STARD9: variants seen among roughly 807,000 people sequenced by gnomAD.
The protein encoded by STARD9 is StAR related lipid transfer domain containing 9.
In STARD9, 346 loss-of-function variants were observed where a neutral mutation model predicts 399.8. The observed-to-expected ratio is 0.87, with a 90% confidence interval of 0.79 to 0.95. The LOEUF is 0.95. Ranked by LOEUF, STARD9 falls within the 40% of genes least tolerant of loss-of-function variation. STARD9 has a pLI of 0.00. For synonymous variants in STARD9, 2,203 were observed against 2,143.5 expected, an observed-to-expected ratio of 1.03 and a Z score of -0.77; for missense variants, 5,832 against 5,667.5, an observed-to-expected ratio of 1.03 and a Z score of -0.93.
At chr15:42,591,750 G>A (rs1008567814) in intron 3 of STARD9, among the ~76,000 whole-genome samples, 4 of 152,186 alleles carry the variant, frequency 2.6e-5, no homozygotes, top group Admixed American at 1.3e-4. Context: ...AAATGCCTGA[G>A]TAAATAGATC....
At chr15:42,616,595 G>A (rs1400556078) in intron 3 of STARD9, among the ~76,000 whole-genome samples, 2 of 152,074 alleles carry the variant, frequency 1.3e-5, no homozygotes, top group African/African-American at 2.4e-5. Flanking sequence ...TTTTCTCATA[G>A]GAAAGTTAGA....
chr15:42,717,933 T>A (rs1254088008), intron 29 of STARD9, 44 bp from the exon 30 acceptor site: 1 of 1,526,878 alleles, frequency 6.5e-7, no homozygotes, highest in East Asian at 2.4e-5. Flanking sequence ...TTAGAGCCCA[T>A]TTTTGACCCC....
intron 20 of STARD9, among the ~76,000 whole-genome samples, chr15:42,676,686 A>G (rs1337827139): frequency 1.3e-5 from 2 of 152,194 alleles, no homozygotes; most frequent in Admixed American, 1.3e-4. Context: ...CAGATTTGGT[A>G]CTGGGAGTCC....
At chr15:42,707,848 T>G (rs1301347605) in intron 26 of STARD9, among the ~76,000 whole-genome samples, 1 of 152,052 alleles carries the variant, frequency 6.6e-6, no homozygotes, top group East Asian at 1.9e-4. Flanking sequence ...CAGAATGATT[T>G]GGATGGGAGT....
chr15:42,588,444 C>T (rs115474344), intron 3 of STARD9, among the ~76,000 whole-genome samples: 161 of 152,228 alleles, frequency 1.1e-3, no homozygotes, highest in African/African-American at 3.8e-3. Context: ...GAGAGATAAA[C>T]CAGTGTCTCC....
intron 3 of STARD9, among the ~76,000 whole-genome samples, chr15:42,626,318 T>TTCTCC (rs1555393239): frequency 6.9e-6 from 1 of 145,482 alleles, no homozygotes; most frequent in African/African-American, 2.6e-5. Context: ...CCTCTTCCTC[T>TTCTCC]TCTTCCTCCT....
chr15:42,716,520 G>A (rs908588569), intron 26 of STARD9, among the ~76,000 whole-genome samples, 157 bp from the exon 27 acceptor site: 1 of 152,216 alleles, frequency 6.6e-6, no homozygotes, highest in Non-Finnish European at 1.5e-5. Flanking sequence ...TATTGCTGTG[G>A]TCTTCTTTGG....
Position 42,695,924 on chromosome 15 carries a change from C to CA in STARD9, c.13284+46dup, listed in dbSNP as rs201727147. On this transcript the variant is annotated intron_variant, in intron 26 of 32. Transcript: ENST00000290607. ...GGAATGAGCCAGGGGCCTGGACTGC[C>CA]AAGGCAAGAGTTTGAGCAGGACGCT... 1.9e-4 allele frequency: 292 copies of CA among 1,517,816 alleles called. 1 individual carries two copies. In the East Asian group the frequency reaches 6.3e-3, roughly 33 times the overall value. 94.0% of individuals were successfully genotyped at this position (1,517,816 alleles called of 1,614,324 possible).
chr15:42,657,826 T>C (rs1406611912), intron 9 of STARD9, among the ~76,000 whole-genome samples: 1 of 152,220 alleles, frequency 6.6e-6, no homozygotes, highest in East Asian at 1.9e-4. Flanking sequence ...CTCACACATA[T>C]ATAGGCAACT....
rs1481272160 is a variant in STARD9 at position 42,688,692 on chromosome 15, A to G, written c.7114A>G (p.Ser2372Gly). The G allele has an allele frequency of 6.5e-7, 1 of 1,537,634 alleles. No homozygotes were observed. Among genetic ancestry groups the G allele is most frequent in the African/African-American group, 1.4e-5 (1 of 73,054 alleles). Residue 2372 changes from serine (S) to glycine (G), a missense_variant, in exon 23 of 33, where the codon AGT becomes GGT. Coordinates refer to ENST00000290607, the MANE Select transcript of STARD9 (RefSeq NM_020759.3). ...TCTCACAATGTTGAAAATTCATAAC[A>G]GTCCCTTGGTAACTGGAGTAGAGCA... ...LDLTMLKIHNSPLVTGVEHQD... is the reference protein window; with the variant it reads ...LDLTMLKIHNGPLVTGVEHQD...
chr15:42,665,142 G>C (rs2140113666), intron 13 of STARD9, 111 bp from the exon 14 acceptor site: 1 of 782,696 alleles, frequency 1.3e-6, no homozygotes, highest in Non-Finnish European at 2.1e-6. Context: ...GACTGCTGTA[G>C]AGACTACTCC....
chr15:42,686,350 C>T lies in STARD9; in HGVS notation c.4772C>T (p.Ser1591Leu), dbSNP rs758938929. The T allele has an allele frequency of 4.1e-5, 63 of 1,537,328 alleles. No individual in the cohort carries two copies. Among genetic ancestry groups the T allele is most frequent in the South Asian group, 2.1e-4 (18 of 84,058 alleles). ...GAGGCGAGTTATGACGAAACTTATT[C>T]GGCAGACTTAGAATCATTGTCTGCT... is the stretch of plus-strand genomic sequence containing the variant. ...EKEASYDETY[S>L]ADLESLSASR... The change falls in exon 23 of 33, where the codon TCG becomes TTG. Residue 1591 changes from serine (S) to leucine (L), a missense_variant. This residue lies in a region of STARD9 where 5,828 missense variants were observed against 5,651.1 expected (regional missense o/e 1.03). Coordinates refer to ENST00000290607, the MANE Select transcript of STARD9 (RefSeq NM_020759.3).
chr15:42,712,416 CTA>C (rs2061260406), intron 26 of STARD9, among the ~76,000 whole-genome samples: 1 of 151,578 alleles, frequency 6.6e-6, no homozygotes, highest in African/African-American at 2.4e-5. Context: ...AAGATTATGC[CTA>C]TGTTTTCTTC....
chr15:42,661,350 T>C (rs2059989846), intron 10 of STARD9, 125 bp downstream of exon 10: 2 of 710,476 alleles, frequency 2.8e-6, no homozygotes, highest in Non-Finnish European at 4.7e-6. Flanking sequence ...ATAAGCTCTT[T>C]GAATGCTAGG....
chr15:42,640,218 G>A (rs1227804819), intron 7 of STARD9, among the ~76,000 whole-genome samples: 1 of 152,156 alleles, frequency 6.6e-6, no homozygotes, highest in African/African-American at 2.4e-5. Flanking sequence ...GTGCTTGGCT[G>A]TAGTATGCTA....
In STARD9 at chr15:42,686,409, G is replaced by A; in HGVS notation, c.4831G>A (p.Glu1611Lys). The part of the protein sequence containing the change: ...RSTNAQVFAT[E>K]NAIPDSMTEA... ...TACAAATGCACAGGTCTTTGCAACA[G>A]AGAACGCGATACCAGATTCCATGAC... Residue 1611 changes from glutamate to lysine, a missense_variant, in exon 23 of 33, where the codon GAG becomes AAG. This residue lies in a region of STARD9 where 5,828 missense variants were observed against 5,651.1 expected (regional missense o/e 1.03). Transcript: ENST00000290607. The A allele has an allele frequency of 6.5e-7, 1 of 1,537,720 alleles. No individual in the cohort carries two copies. Among genetic ancestry groups the A allele is most frequent in the East Asian group, 2.4e-5 (1 of 40,924 alleles).
chr15:42,614,972 A>G (rs1439267657), intron 3 of STARD9, among the ~76,000 whole-genome samples: 1 of 151,788 alleles, frequency 6.6e-6, no homozygotes, highest in Non-Finnish European at 1.5e-5. Flanking sequence ...CTCAAAAAAC[A>G]AAAACAGAAA....
intron 7 of STARD9, among the ~76,000 whole-genome samples, chr15:42,650,399 C>T (rs2059736390): frequency 6.6e-6 from 1 of 152,202 alleles, no homozygotes. Flanking sequence ...TGAAGATTTA[C>T]TTTCATGCCC....
rs753323532 is a variant in STARD9, at chr15:42,681,508, A to G, written c.1961A>G (p.Gln654Arg). ...CACAGGGCCCAGATTCAGCAGCAGC[A>G]GAGCTACGTAGAGGATTTGAGGCAT... ...TSHRAQIQQQ[Q>R]SYVEDLRHQI... The change falls in exon 21 of 33, where the codon CAG becomes CGG. Residue 654 changes from glutamine (Q) to arginine (R), a missense_variant. Physicochemically the swap from Gln to Arg is conservative, Grantham distance 43. Coordinates refer to ENST00000290607, the MANE Select transcript of STARD9 (RefSeq NM_020759.3). The G allele has an allele frequency of 5.9e-6, 9 of 1,537,140 alleles. No homozygotes were observed. The highest frequency in any genetic ancestry group is 7.8e-6 in the Non-Finnish European group (9 of 1,146,900).
Sources: allele counts gnomAD v4.1 joint callset (sites outside exome capture counted in the v4.1 genomes callset), GRCh38; gene constraint gnomAD v4.1.1; regional missense constraint gnomAD v4.1.1; transcripts MANE v1.5; gene names NCBI Gene and HGNC (gene_info 2026-07-23, HGNC 2026-07-21).